Variants in FAM81B observed in about 807,000 individuals in gnomAD.
FAM81B encodes family with sequence similarity 81 member B.
FAM81B carries 60 observed loss-of-function variants against 58.7 expected under a neutral mutation model. That is an observed-to-expected ratio of 1.02 (90% confidence interval 0.83 to 1.27). FAM81B has a LOEUF of 1.27. FAM81B is among the 50% of genes most tolerant of loss of function. The pLI, the probability that FAM81B is intolerant of heterozygous loss-of-function variation, is 0.00. For missense variants in FAM81B, 491 were observed against 522.0 expected, an observed-to-expected ratio of 0.94 and a Z score of 0.58; for synonymous variants, 189 against 179.6, an observed-to-expected ratio of 1.05 and a Z score of -0.42.
chr5:95,448,944 A>G (rs1288067299), intron 9 of FAM81B: 1 of 259,130 alleles, frequency 3.9e-6, no homozygotes, highest in South Asian at 4.5e-5. Context: ...GACTGCTTTT[A>G]TTTTGAAGAG....
intron 3 of FAM81B, among the ~76,000 whole-genome samples, chr5:95,405,261 G>A (rs1393110085): frequency 6.6e-6 from 1 of 152,164 alleles, no homozygotes; most frequent in Non-Finnish European, 1.5e-5. Context: ...GGGAGCTAAT[G>A]TTAACATTTG....
chr5:95,446,754 A>G, intron 8 of FAM81B, 57 bp downstream of exon 8: 1 of 1,575,774 alleles, frequency 6.3e-7, no homozygotes, highest in Non-Finnish European at 8.6e-7. Context: ...GTTAGCAGTG[A>G]GTAAAGGTCT....
intron 5 of FAM81B, among the ~76,000 whole-genome samples, chr5:95,422,845 C>A (rs528562615): frequency 6.6e-6 from 1 of 152,282 alleles, no homozygotes; most frequent in South Asian, 2.1e-4. Context: ...CATCAAGATA[C>A]GCAATTCTTT....
intron 7 of FAM81B, among the ~76,000 whole-genome samples, chr5:95,442,319 T>A (rs1177907850): frequency 2.0e-5 from 3 of 152,108 alleles, no homozygotes; most frequent in Non-Finnish European, 4.4e-5. Flanking sequence ...AATGAGATGA[T>A]GTATCAATAG....
intron 5 of FAM81B, among the ~76,000 whole-genome samples, chr5:95,427,448 C>T (rs1323234036): frequency 6.6e-6 from 1 of 152,142 alleles, no homozygotes; most frequent in African/African-American, 2.4e-5. Flanking sequence ...CCCACTACAA[C>T]CATTTTTAAG....
chr5:95,418,855 C>T (rs1312157172), intron 4 of FAM81B, among the ~76,000 whole-genome samples: 2 of 152,016 alleles, frequency 1.3e-5, no homozygotes, highest in African/African-American at 2.4e-5. Context: ...TGATATATGA[C>T]ATGAGGTAAG....
chr5:95,420,686 A>G (rs1762656829), intron 5 of FAM81B, among the ~76,000 whole-genome samples: 1 of 151,732 alleles, frequency 6.6e-6, no homozygotes, highest in Non-Finnish European at 1.5e-5. Context: ...CCATACATAG[A>G]CGCACCTTCA....
intron 3 of FAM81B, among the ~76,000 whole-genome samples, chr5:95,412,912 T>G (rs1293946551): frequency 6.6e-6 from 1 of 152,164 alleles, no homozygotes; most frequent in Non-Finnish European, 1.5e-5. Context: ...TATGTTAGAT[T>G]TAGTGGCAAA....
chr5:95,409,227 C>T (rs189128451), intron 3 of FAM81B, among the ~76,000 whole-genome samples: 399 of 152,176 alleles, frequency 2.6e-3, no homozygotes, highest in African/African-American at 9.3e-3. Flanking sequence ...ACCTCAATCT[C>T]GGCTCACTGC....
intron 6 of FAM81B, among the ~76,000 whole-genome samples, chr5:95,432,425 T>C (rs1378020021): frequency 6.6e-6 from 1 of 152,152 alleles, no homozygotes; most frequent in Non-Finnish European, 1.5e-5. Flanking sequence ...TTTTTCTATG[T>C]TCTGAAACAG....
intron 3 of FAM81B, chr5:95,406,037 C>A (rs253714): frequency 0.49 from 75,719 of 154,088 alleles, 19,091 homozygotes; most frequent in South Asian, 0.69. Flanking sequence ...TGACATTTCA[C>A]GGAGTCAGAA....
chr5:95,398,812 C>T (rs1301227205), intron 3 of FAM81B, among the ~76,000 whole-genome samples: 3 of 152,106 alleles, frequency 2.0e-5, no homozygotes, highest in Non-Finnish European at 4.4e-5. Context: ...TCCATATGGA[C>T]ATCTAGGGGA....
intron 3 of FAM81B, among the ~76,000 whole-genome samples, chr5:95,404,494 T>C (rs1762195467): frequency 6.6e-6 from 1 of 151,756 alleles, no homozygotes; most frequent in African/African-American, 2.4e-5. Context: ...TAATGAAATA[T>C]TCAATTTGAA....
intron 7 of FAM81B, among the ~76,000 whole-genome samples, chr5:95,443,895 T>G (rs1178304543): frequency 6.6e-6 from 1 of 152,192 alleles, no homozygotes; most frequent in Non-Finnish European, 1.5e-5. Flanking sequence ...TACTTAATGT[T>G]TCCTTGGTTT....
chr5:95,420,181 G>A, intron 4 of FAM81B, 103 bp from the exon 5 acceptor site: 1 of 1,411,568 alleles, frequency 7.1e-7, no homozygotes, highest in Non-Finnish European at 9.8e-7. Context: ...CACACCATCA[G>A]CCTAATTACA....
chr5:95,423,090 T>G (rs1762730456), intron 5 of FAM81B, among the ~76,000 whole-genome samples: 1 of 152,178 alleles, frequency 6.6e-6, no homozygotes. Context: ...GGCAGATTGA[T>G]TACTGTCTTT....
Position 95,448,684 on chromosome 5 carries a change from T to C in FAM81B, c.1225+220T>C, listed in dbSNP as rs753461469. The C allele has an allele frequency of 6.9e-6, 4 of 581,152 alleles. No homozygotes were observed. In the South Asian group the frequency reaches 7.1e-5, roughly 10 times the overall value. The allele number at this position is 581,152 out of a possible 1,614,324, so 36.0% of individuals were successfully genotyped here. Reference sequence around the variant, plus strand: ...ACTTGGCAATGTCACAGGCCTGCCATTGGTGTGAATTTTTTTTTTTTTTTT... The same window carrying C: ...ACTTGGCAATGTCACAGGCCTGCCACTGGTGTGAATTTTTTTTTTTTTTTT... On this transcript the variant is annotated intron_variant, in intron 9 of 9. Coordinates refer to ENST00000283357, the MANE Select transcript of FAM81B (RefSeq NM_152548.3).
At chr5:95,410,612 TA>T (rs1192780113) in intron 3 of FAM81B, 11 of 152,196 alleles carry the variant, frequency 7.2e-5, no homozygotes, top group Non-Finnish European at 1.5e-4. Flanking sequence ...TAGTCATTTT[TA>T]AAAGATATAT....
intron 5 of FAM81B, among the ~76,000 whole-genome samples, chr5:95,425,024 A>G (rs1326006078): frequency 1.3e-5 from 2 of 152,074 alleles, no homozygotes; most frequent in Non-Finnish European, 2.9e-5. Context: ...TATAAAAAGT[A>G]AAAACATGAG....
Sources: gnomAD v4.1 joint callset for allele counts (sites outside exome capture counted in the v4.1 genomes callset) on GRCh38, gnomAD v4.1.1 for gene constraint, MANE v1.5 for transcripts, NCBI Gene and HGNC (gene_info 2026-07-23, HGNC 2026-07-21) for gene names.